TNRC6B: variants seen among roughly 807,000 people sequenced by gnomAD.
TNRC6B encodes the protein trinucleotide repeat containing adaptor 6B, also known as trinucleotide repeat-containing gene 6B protein.
TNRC6B carries 52 observed loss-of-function variants against 203.6 expected under a neutral mutation model. The ratio of observed to expected loss-of-function variants is 0.26; its 90% CI spans 0.20 to 0.32. TNRC6B has a LOEUF of 0.32. Ranked by LOEUF, TNRC6B falls within the 10% of genes least tolerant of loss-of-function variation. The pLI, the probability that TNRC6B is intolerant of heterozygous loss-of-function variation, is 1.00. For missense variants in TNRC6B, 1,923 were observed against 2,286.2 expected (o/e 0.84, Z 3.24); for synonymous variants, 838 against 845.7 (o/e 0.99, Z 0.16).
At chr22:40,168,399 G>A (rs937095358) in intron 4 of TNRC6B, among the ~76,000 whole-genome samples, 1 of 152,204 alleles carries the variant, frequency 6.6e-6, no homozygotes, top group African/African-American at 2.4e-5. Context: ...CGCTGCTTTA[G>A]AGGTATGTAC....
chr22:40,074,153 A>AT (rs2067982398), intron 1 of TNRC6B, among the ~76,000 whole-genome samples: 1 of 150,176 alleles, frequency 6.7e-6, no homozygotes, highest in South Asian at 2.1e-4. Flanking sequence ...AATTGCTTGA[A>AT]CCTGTGTGAC....
intron 15 of TNRC6B, among the ~76,000 whole-genome samples, chr22:40,302,354 G>A (rs2071034300): frequency 6.6e-6 from 1 of 152,180 alleles, no homozygotes; most frequent in Non-Finnish European, 1.5e-5. Context: ...AACGAGTTGG[G>A]CCGCGCGCGG....
chr22:40,246,864 G>A (rs946168027), intron 2 of TNRC6B, among the ~76,000 whole-genome samples: 6 of 152,112 alleles, frequency 3.9e-5, no homozygotes, highest in African/African-American at 1.4e-4. Flanking sequence ...AAAGGATCTA[G>A]TGAGCCCACG....
At chr22:40,239,728 TA>T (rs1259300037) in intron 1 of TNRC6B, among the ~76,000 whole-genome samples, 8 of 152,220 alleles carry the variant, frequency 5.3e-5, no homozygotes, top group Admixed American at 1.3e-4. Flanking sequence ...AGCCGGTTCC[TA>T]GGGATCTCAG....
At chr22:40,253,785 A>G (rs966561047) in intron 3 of TNRC6B, 8 of 453,218 alleles carry the variant, frequency 1.8e-5, no homozygotes, top group Non-Finnish European at 3.5e-5. Flanking sequence ...CTTCATCTTT[A>G]TTCCCAGTAA....
chr22:40,280,500 CCTT>C (rs1404198460), intron 10 of TNRC6B, among the ~76,000 whole-genome samples: 2 of 152,196 alleles, frequency 1.3e-5, no homozygotes, highest in African/African-American at 4.8e-5. Context: ...TAAGGCCTTG[CCTT>C]CTTCTAGTTT....
At chr22:40,059,863 G>A (rs1601790526) in intron 1 of TNRC6B, among the ~76,000 whole-genome samples, 1 of 129,188 alleles carries the variant, frequency 7.7e-6, no homozygotes, top group African/African-American at 2.9e-5. Flanking sequence ...TCGCTCTGTT[G>A]CCAGGCTGGA....
At chr22:40,125,057 T>C (rs532804957) in intron 2 of TNRC6B, among the ~76,000 whole-genome samples, 1 of 152,164 alleles carries the variant, frequency 6.6e-6, no homozygotes, top group Non-Finnish European at 1.5e-5. Flanking sequence ...TGTAATGAAT[T>C]CTTGAAAATG....
At chr22:40,280,494 G>T (rs924709111) in intron 10 of TNRC6B, among the ~76,000 whole-genome samples, 2 of 152,140 alleles carry the variant, frequency 1.3e-5, no homozygotes, top group African/African-American at 4.8e-5. Context: ...GTCTCCTAAG[G>T]CCTTGCCTTC....
At chr22:40,055,457 G>T (rs983611468) in intron 1 of TNRC6B, among the ~76,000 whole-genome samples, 1 of 152,130 alleles carries the variant, frequency 6.6e-6, no homozygotes, top group Non-Finnish European at 1.5e-5. Context: ...TACAAGGCTG[G>T]CATTAGGGTA....
chr22:40,261,729 C>T, intron 3 of TNRC6B, 103 bp from the exon 4 acceptor site: 3 of 1,057,252 alleles, frequency 2.8e-6, no homozygotes, highest in Non-Finnish European at 3.8e-6. Context: ...GGCAACATGG[C>T]AAGACCCCAT....
At chr22:40,064,198 G>A (rs2067876944) in intron 1 of TNRC6B, among the ~76,000 whole-genome samples, 2 of 152,012 alleles carry the variant, frequency 1.3e-5, no homozygotes, top group Admixed American at 1.3e-4. Context: ...CTGCAAATAG[G>A]GATAGTTTAA....
intron 1 of TNRC6B, among the ~76,000 whole-genome samples, chr22:40,099,732 A>T (rs1778573423): frequency 6.6e-6 from 1 of 152,142 alleles, no homozygotes; most frequent in South Asian, 2.1e-4. Context: ...AGTTATACAC[A>T]AATACTTCTC....
rs1459797747 is a variant in TNRC6B, at chr22:40,331,887, T to G, written c.*8646T>G. 12 of 331,120 alleles carry G rather than the reference T, an allele frequency of 3.6e-5. No homozygotes were observed. The East Asian group carries it at 4.6e-4, about 13-fold the overall frequency. 20.5% of individuals were successfully genotyped at this position (331,120 alleles called of 1,614,324 possible). A position where few individuals can be genotyped will look rare whatever the true frequency, so the allele number is the denominator to read the frequency against. On this transcript the variant is annotated 3_prime_UTR_variant, in exon 23 of 23. Transcript: ENST00000454349. ...ATGTGGTAAGGTCAGCACAGTGAGA[T>G]AGAGACCTCTGAGTCCTCTTGCCAC... is the stretch of plus-strand genomic sequence containing the variant.
At chr22:40,066,556 G>C (rs1454945584) in intron 1 of TNRC6B, among the ~76,000 whole-genome samples, 5 of 152,072 alleles carry the variant, frequency 3.3e-5, no homozygotes, top group Admixed American at 2.0e-4. Flanking sequence ...GGTCCAAAAT[G>C]AGCTCAGTGT....
chr22:40,266,926 C>T lies in TNRC6B; in HGVS notation c.2696C>T (p.Pro899Leu). The change falls in exon 5 of 23, where the codon CCT becomes CTT. Residue 899 changes from proline to leucine, a missense_variant. Transcript: ENST00000454349. ...GATGGCACTTCAGCATGGGGAGACC[C>T]TAACAGTTATAACTACAAGAATGTG... ...IDDGTSAWGD[P>L]NSYNYKNVNL... 1 of 1,613,952 alleles carries T rather than the reference C, an allele frequency of 6.2e-7. No individual in the cohort carries two copies. Among genetic ancestry groups the T allele is most frequent in the Non-Finnish European group, 8.5e-7 (1 of 1,179,850 alleles).
chr22:40,276,245 G>C (rs1196440256), intron 7 of TNRC6B, among the ~76,000 whole-genome samples: 2 of 151,888 alleles, frequency 1.3e-5, no homozygotes, highest in African/African-American at 2.4e-5. Context: ...TACTCGGGAG[G>C]CTGAGGCAGG....
rs1569070780 is a variant in TNRC6B, at chr22:40,323,034, T to A, written c.5295T>A (p.Leu1765=). ...QSDPVGPALN[L]FGGSTGLGQW... ...ATCCCGTGGGACCTGCTCTGAATCT[T>A]TTTGGTGGGTCCACTGGGCTCGGGC... Residue 1765 remains leucine, a synonymous_variant, in exon 23 of 23, where the codon CTT becomes CTA. Transcript: ENST00000454349. The A allele has an allele frequency of 6.2e-7, 1 of 1,602,520 alleles. No individual in the cohort carries two copies. Among genetic ancestry groups the A allele is most frequent in the Non-Finnish European group, 8.5e-7 (1 of 1,174,136 alleles).
intron 12 of TNRC6B, among the ~76,000 whole-genome samples, chr22:40,299,920 G>A (rs750380487): frequency 2.6e-5 from 4 of 152,328 alleles, no homozygotes; most frequent in Admixed American, 6.5e-5. Context: ...GGACCCTGCC[G>A]GGTCAGTGAC....
Sources: allele counts gnomAD v4.1 joint callset (sites outside exome capture counted in the v4.1 genomes callset), GRCh38; gene constraint gnomAD v4.1.1; transcripts MANE v1.5; gene names NCBI Gene and HGNC (gene_info 2026-07-23, HGNC 2026-07-21).